LARP4B: variants seen among roughly 807,000 people sequenced by gnomAD.
LARP4B encodes la-related protein 4B.
In LARP4B, 12 loss-of-function variants were observed where a neutral mutation model predicts 89.8. The ratio of observed to expected loss-of-function variants is 0.13; its 90% CI spans 0.09 to 0.22. The LOEUF (loss-of-function observed/expected upper bound fraction) is 0.22. Among genes scored for constraint, LARP4B ranks in the 10% least tolerant of loss-of-function variants. LARP4B has a pLI of 1.00. For missense variants in LARP4B, 757 were observed against 947.7 expected, an observed-to-expected ratio of 0.80 and a Z score of 2.64; for synonymous variants, 367 against 363.3, an observed-to-expected ratio of 1.01 and a Z score of -0.12.
At chr10:986,744 G>C in the LARP4B span, 1 of 152,184 alleles carries the variant, frequency 6.6e-6, no homozygotes, top group African/African-American at 2.4e-5. Flanking sequence ...TTTGAGACCA[G>C]CCTGGCTAAT....
chr10:915,755 C>A (rs1337939463), intron 1 of LARP4B, among the ~76,000 whole-genome samples: 1 of 151,314 alleles, frequency 6.6e-6, no homozygotes, highest in African/African-American at 2.4e-5. Context: ...ATGGCGTGAA[C>A]CCAGGAGGCG....
At chr10:853,357 TA>T (rs527908262) in intron 5 of LARP4B, among the ~76,000 whole-genome samples, 8 of 148,690 alleles carry the variant, frequency 5.4e-5, no homozygotes, top group Non-Finnish European at 7.5e-5. Context: ...AGTATGTCCT[TA>T]AAAAAAAAAC....
chr10:952,197 G>C, the LARP4B span, among the ~76,000 whole-genome samples: 1 of 151,610 alleles, frequency 6.6e-6, no homozygotes, highest in African/African-American at 2.4e-5. Context: ...AAAATTAGCC[G>C]GGCTTGGTGG....
rs1192267248 is a variant in LARP4B, at chr10:814,997, C to G, written c.1769G>C (p.Cys590Ser). The change falls in exon 16 of 18, where the codon TGT becomes TCT. Residue 590 changes from cysteine (C) to serine (S), a missense_variant. Physicochemically the swap from Cys to Ser is moderately radical, Grantham distance 112 (BLOSUM62 -1). Around this residue, in one of 5 missense-constraint regions of LARP4B, gnomAD observed 387 missense variants for 423.6 expected, o/e 0.91. Coordinates refer to ENST00000316157, the MANE Select transcript of LARP4B (RefSeq NM_015155.3). The surrounding 1 kb of genome is among the most constrained non-coding windows in gnomAD (Gnocchi z 4.4). ...VSREPSVPAS[C>S]AVSATYERSP... ...TCGCTCGTACGTTGCTGATACAGCA[C>G]AAGAAGCCGGCACCGAGGGCTCTCT... 3.1e-6 allele frequency: 5 copies of G among 1,609,444 alleles called. No homozygotes were observed. The highest frequency in any genetic ancestry group is 2.2e-5 in the South Asian group (2 of 90,566).
At chr10:895,843 T>TAGAAGAAAATATGCCAAAAGACTAACA (rs1836174070) in intron 1 of LARP4B, among the ~76,000 whole-genome samples, 1 of 152,156 alleles carries the variant, frequency 6.6e-6, no homozygotes, top group South Asian at 2.1e-4. Context: ...AACAAGAAAC[T>TAGAAGAAAATATGCCAAAAGACTAACA]AGAAGAAAAT....
chr10:873,436 A>G (rs1487081056), intron 3 of LARP4B: 5 of 983,184 alleles, frequency 5.1e-6, no homozygotes, highest in African/African-American at 1.7e-5. Context: ...CATAAACTCA[A>G]TAAAACATAA....
intron 1 of LARP4B, among the ~76,000 whole-genome samples, chr10:906,970 G>C (rs143245359): frequency 0.027 from 4,037 of 152,262 alleles, 93 homozygotes; most frequent in Admixed American, 0.067. Flanking sequence ...CCTAAAGCGA[G>C]GGACTCGCAA....
At chr10:937,075 CT>C in the LARP4B span, among the ~76,000 whole-genome samples, 1 of 152,154 alleles carries the variant, frequency 6.6e-6, no homozygotes. Context: ...CAGGGTCTTG[CT>C]CTGTCGCCCA....
chr10:932,568 C>A, upstream of LARP4B, among the ~76,000 whole-genome samples: 2 of 121,254 alleles, frequency 1.6e-5, no homozygotes, highest in South Asian at 2.8e-4. Flanking sequence ...CCCAAACTCC[C>A]ACCCCACACC....
intron 9 of LARP4B, 45 bp downstream of exon 9, chr10:830,822 C>T (rs1373996587): frequency 1.2e-6 from 1 of 854,214 alleles, no homozygotes; most frequent in Non-Finnish European, 2.0e-6. Flanking sequence ...ATAGTAAAAA[C>T]TGGTAAACTA....
In LARP4B at chr10:829,609, G is replaced by GT. The variant is rs765398687; in HGVS notation, c.916-16dup. ...TTTATCCGTGCCTGTTTGAAAATAT[G>GT]TAAGTTTCTATTAGAATACTTAAGA... On this transcript the variant is annotated splice_polypyrimidine_tract_variant and intron_variant, in intron 10 of 17. Coordinates refer to ENST00000316157, the MANE Select transcript of LARP4B (RefSeq NM_015155.3). The GT allele has an allele frequency of 3.1e-6, 5 of 1,612,370 alleles. No homozygotes were observed. In the East Asian group the frequency reaches 6.7e-5, roughly 22 times the overall value.
intron 1 of LARP4B, among the ~76,000 whole-genome samples, chr10:929,361 A>T (rs1381769053): frequency 6.6e-6 from 1 of 152,202 alleles, no homozygotes; most frequent in Non-Finnish European, 1.5e-5. Flanking sequence ...TTGAGAGGCC[A>T]AGGCAGGTGG....
rs188443108 is a variant in LARP4B, at chr10:856,794, C to T, written c.430+6949G>A. ...CCGTTTTGAAAAATACCAGAGCACT[C>T]TGTTCTTCTTAACAAGGTCTGCCCT... On this transcript the variant is annotated intron_variant, in intron 5 of 17. Coordinates refer to ENST00000316157, the MANE Select transcript of LARP4B (RefSeq NM_015155.3). 2.6e-4 allele frequency among the ~76,000 whole-genome samples: 40 copies of T among 152,328 alleles called. No homozygotes were observed. The South Asian group carries it at 3.3e-3, about 13-fold the overall frequency.
chr10:986,435 C>G, the LARP4B span: 1 of 152,142 alleles, frequency 6.6e-6, no homozygotes, highest in African/African-American at 2.4e-5. Flanking sequence ...CAGAGAAGCC[C>G]AGAAGTGTAT....
At chr10:816,950 G>T (rs1007754080) in intron 15 of LARP4B, among the ~76,000 whole-genome samples, 2 of 152,176 alleles carry the variant, frequency 1.3e-5, no homozygotes, top group African/African-American at 4.8e-5. Flanking sequence ...CAAGCAGCAC[G>T]GTCATGTGGC....
At chr10:969,193 G>A in the LARP4B span, among the ~76,000 whole-genome samples, 1 of 152,200 alleles carries the variant, frequency 6.6e-6, no homozygotes, top group East Asian at 1.9e-4. Context: ...TGGGAGGAAA[G>A]TAAGGGGAAA....
intron 3 of LARP4B, among the ~76,000 whole-genome samples, chr10:875,490 T>C (rs1484909692): frequency 6.6e-6 from 1 of 152,220 alleles, no homozygotes; most frequent in Admixed American, 6.5e-5. Context: ...TGTTTCTTTC[T>C]CCAGTCTCCT....
intron 7 of LARP4B, 102 bp downstream of exon 7, chr10:842,830 T>C: frequency 9.5e-7 from 1 of 1,057,104 alleles, no homozygotes; most frequent in Non-Finnish European, 1.4e-6. Context: ...TGATTCGCCA[T>C]CAAGGACCTT....
At chr10:966,677 C>T in the LARP4B span, among the ~76,000 whole-genome samples, 28 of 152,364 alleles carry the variant, frequency 1.8e-4, no homozygotes, top group African/African-American at 2.4e-4. Context: ...AAATAAAAGG[C>T]TTGCGGGAGA....
Sources: gnomAD v4.1 joint callset for allele counts (sites outside exome capture counted in the v4.1 genomes callset) on GRCh38, gnomAD v4.1.1 for gene constraint, gnomAD v4.1.1 regional missense constraint, Gnocchi (gnomAD v3.1) non-coding constraint, MANE v1.5 for transcripts, NCBI Gene and HGNC (gene_info 2026-07-23, HGNC 2026-07-21) for gene names.